Variants in PRKAR2B observed in about 807,000 individuals in gnomAD.
The protein encoded by PRKAR2B is protein kinase cAMP-dependent type II regulatory subunit beta, also known as cAMP-dependent protein kinase type II-beta regulatory subunit.
Under a neutral mutation model 49.9 loss-of-function variants are expected in PRKAR2B, and 14 were observed. That is an observed-to-expected ratio of 0.28 (90% confidence interval 0.19 to 0.44). The LOEUF is 0.44. Ranked by LOEUF, PRKAR2B falls within the 20% of genes least tolerant of loss-of-function variation. PRKAR2B has a pLI of 1.00. For missense variants in PRKAR2B, 393 were observed against 537.9 expected (o/e 0.73, Z 2.67); for synonymous variants, 196 against 197.7 (o/e 0.99, Z 0.07).
chr7:107,045,273 C>G (rs933586693), intron 1 of PRKAR2B, 59 bp downstream of exon 1: 7 of 1,351,396 alleles, frequency 5.2e-6, no homozygotes, highest in Admixed American at 3.0e-5. Flanking sequence ...CCCACCGCTC[C>G]CCGCTGTGCT....
intron 2 of PRKAR2B, among the ~76,000 whole-genome samples, chr7:107,106,407 A>G (rs1795073294): frequency 6.6e-6 from 1 of 152,118 alleles, no homozygotes; most frequent in Non-Finnish European, 1.5e-5. Context: ...TTTATCCTCT[A>G]CCATACATCA....
At position 107,134,673 on chromosome 7, in the gene PRKAR2B, A is replaced by G. The variant is rs78580693; in HGVS notation, c.481-6174A>G. 3.9e-3 allele frequency among the ~76,000 whole-genome samples: 592 copies of G among 152,314 alleles called. 2 individuals are homozygous for G. The highest frequency in any genetic ancestry group is 0.02 in the Middle Eastern group (6 of 294). On this transcript the variant is annotated intron_variant, in intron 4 of 10. Transcript: ENST00000265717. ...AACAATTGAATAGAATTGAGAATCT[A>G]AAAATAAACCTATATACTTATGGCC...
At chr7:107,133,067 T>G (rs1011153413) in intron 4 of PRKAR2B, among the ~76,000 whole-genome samples, 7 of 152,224 alleles carry the variant, frequency 4.6e-5, no homozygotes, top group Non-Finnish European at 1.0e-4. Context: ...TCAGAGCCCT[T>G]TACTGAGCTC....
intron 2 of PRKAR2B, among the ~76,000 whole-genome samples, chr7:107,085,924 T>G (rs78917354): frequency 6.6e-6 from 1 of 152,226 alleles, no homozygotes; most frequent in Non-Finnish European, 1.5e-5. Context: ...AATTGCTTAA[T>G]CAAAGAAGCA....
intron 2 of PRKAR2B, among the ~76,000 whole-genome samples, chr7:107,086,501 C>A (rs1345943623): frequency 6.6e-6 from 1 of 150,542 alleles, no homozygotes; most frequent in African/African-American, 2.4e-5. Context: ...TTTTTTAAGA[C>A]AAACTCTCTG....
chr7:107,064,353 A>G (rs1180830444), intron 1 of PRKAR2B, among the ~76,000 whole-genome samples: 3 of 152,198 alleles, frequency 2.0e-5, no homozygotes, highest in Non-Finnish European at 4.4e-5. Context: ...TAGTAAATAT[A>G]AAGAAAGTCT....
At chr7:107,048,973 C>T (rs1793752639) in intron 1 of PRKAR2B, among the ~76,000 whole-genome samples, 1 of 152,206 alleles carries the variant, frequency 6.6e-6, no homozygotes, top group South Asian at 2.1e-4. Context: ...TCTCCCTCTT[C>T]CCCGTCCTAG....
In PRKAR2B at chr7:107,104,097, T is replaced by A. The variant is rs368463184; in HGVS notation, c.344-17855T>A. Reference sequence around the variant, plus strand: ...TCCAGGCTGGAGTGCAGTGGCACGATCTCGGCTTACTGCAACCTCCGCCTC... The same window carrying A: ...TCCAGGCTGGAGTGCAGTGGCACGAACTCGGCTTACTGCAACCTCCGCCTC... On this transcript the variant is annotated intron_variant, in intron 2 of 10. Coordinates refer to ENST00000265717, the MANE Select transcript of PRKAR2B (RefSeq NM_002736.3). Among the ~76,000 whole-genome samples the A allele has an allele frequency of 4.6e-5, 7 of 152,200 alleles. No individual in the cohort carries two copies. In the East Asian group the frequency reaches 1.3e-3, roughly 29 times the overall value.
At chr7:107,087,087 A>G (rs549329950) in intron 2 of PRKAR2B, among the ~76,000 whole-genome samples, 2 of 152,314 alleles carry the variant, frequency 1.3e-5, no homozygotes, top group Non-Finnish European at 2.9e-5. Context: ...TTAAGAATGT[A>G]TGCCCCTCTG....
Position 107,140,966 on chromosome 7 carries a change from C to T in PRKAR2B, c.587+13C>T, listed in dbSNP as rs377395955. The T allele has an allele frequency of 4.4e-5, 69 of 1,566,276 alleles. No individual in the cohort carries two copies. In the Middle Eastern group the frequency reaches 5.1e-4, roughly 11 times the overall value. ...ATGTAATTGATAGGTAAGTTTTGCC[C>T]AACCTTACTATTGAAATTGAAAGAA... On this transcript the variant is annotated intron_variant, in intron 5 of 10. Coordinates refer to ENST00000265717, the MANE Select transcript of PRKAR2B (RefSeq NM_002736.3).
chr7:107,138,811 G>A (rs1795744799), intron 4 of PRKAR2B, among the ~76,000 whole-genome samples: 1 of 152,138 alleles, frequency 6.6e-6, no homozygotes, highest in Non-Finnish European at 1.5e-5. Flanking sequence ...GGCCTCCTGA[G>A]TAGCTGAGAC....
intron 2 of PRKAR2B, among the ~76,000 whole-genome samples, chr7:107,093,686 G>C (rs554590519): frequency 3.9e-5 from 5 of 127,346 alleles, no homozygotes; most frequent in Non-Finnish European, 8.0e-5. Context: ...GACAGGCCCC[G>C]GTGTGTGATG....
chr7:107,128,348 TGTCAAG>T, intron 4 of PRKAR2B, 53 bp downstream of exon 4: 1 of 1,324,920 alleles, frequency 7.5e-7, no homozygotes, highest in African/African-American at 1.4e-5. Flanking sequence ...CCAGTGACAG[TGTCAAG>T]AACTGTACAG....
intron 1 of PRKAR2B, among the ~76,000 whole-genome samples, chr7:107,066,301 G>GGTGTGTGTGT (rs3074837): frequency 0.021 from 3,051 of 145,574 alleles, 76 homozygotes; most frequent in African/African-American, 0.049. Context: ...CTCTATGTGG[G>GGTGTGTGTGT]GTGTGTGTGT....
At chr7:107,121,067 A>T (rs1390249369) in intron 2 of PRKAR2B, among the ~76,000 whole-genome samples, 2 of 151,498 alleles carry the variant, frequency 1.3e-5, no homozygotes, top group African/African-American at 2.4e-5. Context: ...ATTGACAAAG[A>T]TTTTAAGCAA....
chr7:107,074,155 G>T (rs1481132394), intron 2 of PRKAR2B, among the ~76,000 whole-genome samples: 1 of 152,022 alleles, frequency 6.6e-6, no homozygotes, highest in East Asian at 2.0e-4. Context: ...TTGCTCTGTT[G>T]CCCAGGCTGG....
intron 2 of PRKAR2B, among the ~76,000 whole-genome samples, chr7:107,116,233 A>G (rs1398186988): frequency 6.6e-6 from 1 of 152,234 alleles, no homozygotes; most frequent in East Asian, 1.9e-4. Flanking sequence ...CTAGGAAAAT[A>G]GAGGGAACAA....
At position 107,101,431 on chromosome 7, in the gene PRKAR2B, G is replaced by C. The variant is rs139414938; in HGVS notation, c.344-20521G>C. Among the ~76,000 whole-genome samples, 444 of 152,266 alleles carry C rather than the reference G, an allele frequency of 2.9e-3. 2 individuals carry two copies. Among genetic ancestry groups the C allele is most frequent in the Middle Eastern group, 0.014 (4 of 294 alleles). On this transcript the variant is annotated intron_variant, in intron 2 of 10. Transcript: ENST00000265717. ...TCATACCTCCTCTAAGTGCGCTGTAGCCACCTCGACAGCCTAGAGATATGT... is the reference window on the plus strand; with the variant it reads ...TCATACCTCCTCTAAGTGCGCTGTACCCACCTCGACAGCCTAGAGATATGT...
intron 5 of PRKAR2B, among the ~76,000 whole-genome samples, chr7:107,144,233 C>CA (rs1480632078): frequency 6.6e-6 from 1 of 151,848 alleles, no homozygotes; most frequent in Non-Finnish European, 1.5e-5. Context: ...TTACAGGTGA[C>CA]TGCCACCACG....
Sources: gnomAD v4.1 joint callset for allele counts (sites outside exome capture counted in the v4.1 genomes callset) on GRCh38, gnomAD v4.1.1 for gene constraint, MANE v1.5 for transcripts, NCBI Gene and HGNC (gene_info 2026-07-23, HGNC 2026-07-21) for gene names.